Variants in CAMK1D observed in about 807,000 individuals in gnomAD.
CAMK1D encodes calcium/calmodulin-dependent protein kinase type 1D.
In CAMK1D, 9 loss-of-function variants were observed where a neutral mutation model predicts 47.7. The ratio of observed to expected loss-of-function variants is 0.19; its 90% CI spans 0.11 to 0.33. The LOEUF (loss-of-function observed/expected upper bound fraction) is 0.33, where lower values mean the gene tolerates loss of function less well. Ranked by LOEUF, CAMK1D falls within the 10% of genes least tolerant of loss-of-function variation. CAMK1D has a pLI of 1.00. For synonymous variants in CAMK1D, 184 were observed against 184.9 expected (o/e 0.99, Z 0.04); for missense variants, 291 against 488.7 (o/e 0.60, Z 3.81).
intron 3 of CAMK1D, among the ~76,000 whole-genome samples, chr10:12,751,626 C>T (rs1293797789): frequency 6.6e-6 from 1 of 152,184 alleles, no homozygotes; most frequent in Non-Finnish European, 1.5e-5. Flanking sequence ...TGCAGAAAGA[C>T]AGGTGCTAAG....
intron 3 of CAMK1D, among the ~76,000 whole-genome samples, chr10:12,669,970 G>A (rs545096093): frequency 5.9e-5 from 9 of 151,924 alleles, no homozygotes; most frequent in Non-Finnish European, 1.2e-4. Context: ...GGACTCTATC[G>A]AGTGAAGTTG....
intron 2 of CAMK1D, among the ~76,000 whole-genome samples, chr10:12,600,455 G>T (rs1321660937): frequency 6.6e-6 from 1 of 152,204 alleles, no homozygotes; most frequent in East Asian, 1.9e-4. Context: ...ATATAGAGGG[G>T]TCAGTGAACG....
At chr10:12,685,942 A>G (rs1832642978) in intron 3 of CAMK1D, among the ~76,000 whole-genome samples, 1 of 152,160 alleles carries the variant, frequency 6.6e-6, no homozygotes, top group African/African-American at 2.4e-5. Flanking sequence ...ACTTTGTTCC[A>G]GCACTTCCAG....
intron 3 of CAMK1D, among the ~76,000 whole-genome samples, chr10:12,691,807 A>T (rs1832943431): frequency 6.6e-6 from 1 of 152,142 alleles, no homozygotes; most frequent in Non-Finnish European, 1.5e-5. Context: ...TAAAGTGAAG[A>T]GGAGGAGGGG....
intron 3 of CAMK1D, among the ~76,000 whole-genome samples, chr10:12,732,967 AAGAC>A (rs2130817008): frequency 6.6e-6 from 1 of 152,262 alleles, no homozygotes; most frequent in African/African-American, 2.4e-5. Flanking sequence ...ACATGCCTCA[AAGAC>A]AGAGCAGTTC....
chr10:12,520,959 AGG>A (rs1369227658), intron 1 of CAMK1D, among the ~76,000 whole-genome samples: 25 of 2,398 alleles, frequency 0.01, no homozygotes, highest in African/African-American at 0.042. Context: ...GGGGAGGGGG[AGG>A]GGGAGGGGGA....
intron 2 of CAMK1D, among the ~76,000 whole-genome samples, chr10:12,587,105 G>A (rs947790651): frequency 3.3e-5 from 5 of 152,178 alleles, no homozygotes; most frequent in Admixed American, 1.3e-4. Flanking sequence ...TCCTTGGTAA[G>A]TTGGATAGTT....
At chr10:12,606,565 T>A (rs1022352073) in intron 2 of CAMK1D, among the ~76,000 whole-genome samples, 6 of 152,154 alleles carry the variant, frequency 3.9e-5, no homozygotes, top group Admixed American at 3.9e-4. Flanking sequence ...ATTTGAAACA[T>A]CCTCCTCTGT....
chr10:12,679,057 G>A (rs903677435), intron 3 of CAMK1D, among the ~76,000 whole-genome samples: 5 of 151,988 alleles, frequency 3.3e-5, no homozygotes, highest in African/African-American at 7.2e-5. Context: ...CACCGCACCC[G>A]GTCCAATAAT....
intron 1 of CAMK1D, among the ~76,000 whole-genome samples, chr10:12,515,418 C>T (rs10567495): frequency 0.23 from 22,892 of 97,560 alleles, 2,531 homozygotes; most frequent in South Asian, 0.27. Context: ...TTTTTTTTTT[C>T]TTTTTTTTTT....
chr10:12,571,201 C>T (rs1476492789), intron 2 of CAMK1D, among the ~76,000 whole-genome samples: 1 of 151,936 alleles, frequency 6.6e-6, no homozygotes, highest in Admixed American at 6.6e-5. Context: ...AATCTCTGCA[C>T]TTTGGGAGGC....
At chr10:12,822,217 A>T (rs144311827) in intron 8 of CAMK1D, among the ~76,000 whole-genome samples, 1 of 152,158 alleles carries the variant, frequency 6.6e-6, no homozygotes, top group Non-Finnish European at 1.5e-5. Flanking sequence ...CTAGCTTATC[A>T]TGAGCATGGG....
intron 1 of CAMK1D, among the ~76,000 whole-genome samples, chr10:12,512,290 G>A (rs2132166057): frequency 6.6e-6 from 1 of 152,324 alleles, no homozygotes; most frequent in South Asian, 2.1e-4. Context: ...TAGGAATTCT[G>A]ATTCGTTGGG....
At chr10:12,454,983 C>T (rs1292875731) in intron 1 of CAMK1D, among the ~76,000 whole-genome samples, 3 of 152,272 alleles carry the variant, frequency 2.0e-5, no homozygotes, top group East Asian at 1.9e-4. Flanking sequence ...GCCGGCTGGC[C>T]GAGTACAGTC....
At chr10:12,512,021 C>T (rs1835056591) in intron 1 of CAMK1D, among the ~76,000 whole-genome samples, 1 of 152,170 alleles carries the variant, frequency 6.6e-6, no homozygotes, top group African/African-American at 2.4e-5. Context: ...TGGTGTTCCC[C>T]ATAGAGTTGT....
chr10:12,765,109 T>C (rs1050830472), intron 4 of CAMK1D, among the ~76,000 whole-genome samples: 3 of 152,070 alleles, frequency 2.0e-5, no homozygotes, highest in African/African-American at 7.2e-5. Flanking sequence ...AAAAACCTCA[T>C]TGGAAGCATC....
chr10:12,539,373 A>G (rs1196338814), intron 1 of CAMK1D, among the ~76,000 whole-genome samples: 1 of 152,202 alleles, frequency 6.6e-6, no homozygotes, highest in East Asian at 1.9e-4. Flanking sequence ...CTGAATGAGA[A>G]TGGAAATAAG....
Position 12,735,923 on chromosome 10 carries a change from T to C in CAMK1D, c.300-25025T>C, listed in dbSNP as rs111906521. On this transcript the variant is annotated intron_variant, in intron 3 of 10. Transcript: ENST00000619168. ...AAAGAGAAGGATAAGCTGATTTTGATTGAAATTCCACTGTAGGCACATGGA... is the reference window on the plus strand; with the variant it reads ...AAAGAGAAGGATAAGCTGATTTTGACTGAAATTCCACTGTAGGCACATGGA... 3.9e-5 allele frequency among the ~76,000 whole-genome samples: 6 copies of C among 152,304 alleles called. No homozygotes were observed. The East Asian group carries it at 7.7e-4, about 20-fold the overall frequency.
At chr10:12,421,099 G>A (rs758623724) in intron 1 of CAMK1D, among the ~76,000 whole-genome samples, 2 of 152,164 alleles carry the variant, frequency 1.3e-5, no homozygotes, top group Non-Finnish European at 2.9e-5. Context: ...ATGGCGTGGT[G>A]TTGAGGTGAA....
Sources: gnomAD v4.1 joint callset for allele counts (sites outside exome capture counted in the v4.1 genomes callset) on GRCh38, gnomAD v4.1.1 for gene constraint, MANE v1.5 for transcripts, NCBI Gene and HGNC (gene_info 2026-07-23, HGNC 2026-07-21) for gene names.